SMAD4: variants seen among roughly 807,000 people sequenced by gnomAD.
SMAD4 encodes MAD homolog 4.
SMAD4 carries 7 observed loss-of-function variants against 63.2 expected under a neutral mutation model. The observed-to-expected ratio is 0.11, with a 90% confidence interval of 0.06 to 0.21. SMAD4 has a LOEUF of 0.21. SMAD4 is among the 10% of genes least tolerant of loss of function. The pLI is 1.00. For missense variants in SMAD4, 312 were observed against 693.8 expected, an observed-to-expected ratio of 0.45 and a Z score of 6.18; for synonymous variants, 215 against 235.4, an observed-to-expected ratio of 0.91 and a Z score of 0.79.
chr18:51,047,903 C>T (rs1268922412), intron 2 of SMAD4, among the ~76,000 whole-genome samples: 8 of 152,158 alleles, frequency 5.3e-5, no homozygotes, highest in Non-Finnish European at 7.3e-5. Flanking sequence ...GCCACTGTGC[C>T]CAGTCGTGTT....
intron 1 of SMAD4, among the ~76,000 whole-genome samples, chr18:51,032,985 A>G (rs940882725): frequency 3.3e-5 from 5 of 151,822 alleles, no homozygotes; most frequent in Non-Finnish European, 5.9e-5. Context: ...AGCCATTTCA[A>G]TGGTCATTAT....
In SMAD4 at chr18:51,047,389, T is replaced by TGTGCTCC. The variant is rs573543565; in HGVS notation, c.249+95_249+101dup. 20 of 1,122,086 alleles carry TGTGCTCC rather than the reference T, an allele frequency of 1.8e-5. No individual in the cohort carries two copies. The African/African-American group carries it at 2.6e-4, about 15-fold the overall frequency. 69.5% of individuals were successfully genotyped at this position (1,122,086 alleles called of 1,614,324 possible). On this transcript the variant is annotated intron_variant, in intron 2 of 11. Coordinates refer to ENST00000342988, the MANE Select transcript of SMAD4 (RefSeq NM_005359.6). ...CAAGCTACTACAGGGTAATTTAATT[T>TGTGCTCC]GTGCTCCATCTCTTCAGATACTGTG...
rs1910573448 is a variant in SMAD4 at position 51,080,095 on chromosome 18, C to T, written c.*1628C>T. The T allele has an allele frequency of 8.8e-6, 2 of 227,430 alleles. No homozygotes were observed. Among genetic ancestry groups the T allele is most frequent in the Non-Finnish European group, 1.7e-5 (2 of 114,634 alleles). 14.1% of individuals were successfully genotyped at this position (227,430 alleles called of 1,614,324 possible). On this transcript the variant is annotated 3_prime_UTR_variant, in exon 12 of 12. Coordinates refer to ENST00000342988, the MANE Select transcript of SMAD4 (RefSeq NM_005359.6). Reference sequence around the variant, plus strand: ...AAGGATTATCTTTCAGATGTGTTTACTTTTGCCTGGAGAACTTTTAGCTAT... The same window carrying T: ...AAGGATTATCTTTCAGATGTGTTTATTTTTGCCTGGAGAACTTTTAGCTAT...
chr18:51,080,919 G>A lies in SMAD4; in HGVS notation c.*2452G>A. ...AAAGTATGTGAAAAATATTTGTTAAGAAGTATCTCTTTGGAGCCAAGCCAC... is the reference window on the plus strand; with the variant it reads ...AAAGTATGTGAAAAATATTTGTTAAAAAGTATCTCTTTGGAGCCAAGCCAC... On this transcript the variant is annotated 3_prime_UTR_variant, in exon 12 of 12. Coordinates refer to ENST00000342988, the MANE Select transcript of SMAD4 (RefSeq NM_005359.6). 1 of 190,464 alleles carries A rather than the reference G, an allele frequency of 5.3e-6. No homozygotes were observed. Among genetic ancestry groups the A allele is most frequent in the Non-Finnish European group, 1.1e-5 (1 of 90,986 alleles). The allele number at this position is 190,464 out of a possible 1,614,324, so 11.8% of individuals were successfully genotyped here.
At chr18:51,072,879 A>G (rs1401426054) in intron 10 of SMAD4, among the ~76,000 whole-genome samples, 2 of 152,210 alleles carry the variant, frequency 1.3e-5, no homozygotes, top group Non-Finnish European at 2.9e-5. Context: ...GGAAGACAGT[A>G]GCATTTCAAT....
chr18:51,069,108 T>A (rs1190726902), intron 10 of SMAD4, among the ~76,000 whole-genome samples: 2 of 152,142 alleles, frequency 1.3e-5, no homozygotes, highest in Admixed American at 6.5e-5. Context: ...CTGTATTGGT[T>A]ATTTATGCTG....
At chr18:51,040,297 C>T (rs1909335992) in intron 1 of SMAD4, among the ~76,000 whole-genome samples, 1 of 151,840 alleles carries the variant, frequency 6.6e-6, no homozygotes, top group Non-Finnish European at 1.5e-5. Flanking sequence ...GGTGATGCGC[C>T]CCTGTAGTCC....
intron 1 of SMAD4, 107 bp from the exon 2 acceptor site, chr18:51,046,813 G>T: frequency 2.2e-6 from 1 of 449,398 alleles, no homozygotes; most frequent in South Asian, 6.0e-5. Flanking sequence ...TTAATTATGT[G>T]CATTGAATCT....
intron 10 of SMAD4, among the ~76,000 whole-genome samples, chr18:51,072,940 A>G (rs763415999): frequency 6.6e-6 from 1 of 152,192 alleles, no homozygotes. Context: ...CTGTTATGGT[A>G]TCCGTTATCA....
intron 8 of SMAD4, among the ~76,000 whole-genome samples, chr18:51,062,647 C>T (rs538225401): frequency 1.6e-4 from 25 of 151,748 alleles, no homozygotes; most frequent in Middle Eastern, 3.4e-3. Context: ...TATAGGCACC[C>T]GCCACCATGC....
rs772166247 is a variant in SMAD4, at chr18:51,082,533, C to T, written c.*4066C>T. 4.3e-4 allele frequency: 99 copies of T among 228,112 alleles called. No homozygotes were observed. Among genetic ancestry groups the T allele is most frequent in the Admixed American group, 7.4e-4 (13 of 17,604 alleles). 14.1% of individuals were successfully genotyped at this position (228,112 alleles called of 1,614,324 possible). On this transcript the variant is annotated 3_prime_UTR_variant, in exon 12 of 12. Coordinates refer to ENST00000342988, the MANE Select transcript of SMAD4 (RefSeq NM_005359.6). The stretch of plus-strand genomic sequence containing the variant: ...AAATTTTCCACATCATCCAGAATTG[C>T]CTTATTTAAGAAGTAAAACGTTTTA...
At chr18:51,039,014 C>A (rs537493677) in intron 1 of SMAD4, among the ~76,000 whole-genome samples, 1 of 151,826 alleles carries the variant, frequency 6.6e-6, no homozygotes. Context: ...GGCTGAGGCA[C>A]GAGAATCACT....
intron 1 of SMAD4, among the ~76,000 whole-genome samples, chr18:51,032,932 A>G (rs1461197836): frequency 6.6e-6 from 1 of 151,838 alleles, no homozygotes; most frequent in East Asian, 1.9e-4. Context: ...TTCATTTTTA[A>G]TCCAGCGATT....
intron 1 of SMAD4, among the ~76,000 whole-genome samples, chr18:51,039,675 A>G (rs1440009750): frequency 6.6e-6 from 1 of 152,114 alleles, no homozygotes; most frequent in Non-Finnish European, 1.5e-5. Flanking sequence ...TGTTTTACAA[A>G]TGGAGAAATA....
chr18:51,052,601 CTA>C (rs1909740101), intron 4 of SMAD4: 2 of 278,984 alleles, frequency 7.2e-6, no homozygotes, highest in Non-Finnish European at 1.4e-5. Context: ...AAAATATATA[CTA>C]TATGTTTTTT....
chr18:51,063,184 T>C (rs1910064542), intron 8 of SMAD4, among the ~76,000 whole-genome samples: 1 of 152,032 alleles, frequency 6.6e-6, no homozygotes, highest in African/African-American at 2.4e-5. Context: ...TTATAAATAC[T>C]TGTTTAAAAC....
chr18:51,071,184 A>G (rs184023182), intron 10 of SMAD4, among the ~76,000 whole-genome samples: 2 of 152,218 alleles, frequency 1.3e-5, no homozygotes, highest in East Asian at 3.9e-4. Context: ...AGATGATATT[A>G]TTGGGGTAAA....
intron 5 of SMAD4, among the ~76,000 whole-genome samples, chr18:51,057,363 T>C (rs903451664): frequency 6.6e-6 from 1 of 152,138 alleles, no homozygotes; most frequent in Non-Finnish European, 1.5e-5. Context: ...AGCAATATCA[T>C]AGGATGGTTT....
intron 11 of SMAD4, chr18:51,077,271 C>A: frequency 3.1e-6 from 1 of 320,598 alleles, no homozygotes; most frequent in Non-Finnish European, 4.5e-6. Context: ...GAACTGTGTG[C>A]CAGGTTTCAC....
Sources: allele counts gnomAD v4.1 joint callset (sites outside exome capture counted in the v4.1 genomes callset), GRCh38; gene constraint gnomAD v4.1.1; transcripts MANE v1.5; gene names NCBI Gene and HGNC (gene_info 2026-07-23, HGNC 2026-07-21).